SFSWAP: variants seen among roughly 807,000 people sequenced by gnomAD.
SFSWAP encodes the protein splicing factor SWAP.
In SFSWAP, 17 loss-of-function variants were observed where a neutral mutation model predicts 100.7. The ratio of observed to expected loss-of-function variants is 0.17; its 90% CI spans 0.12 to 0.25. The LOEUF (loss-of-function observed/expected upper bound fraction) is 0.25, where lower values mean the gene tolerates loss of function less well. Among genes scored for constraint, SFSWAP ranks in the 10% least tolerant of loss-of-function variants. The pLI is 1.00. For missense variants in SFSWAP, 1,005 were observed against 1,262.6 expected (o/e 0.80, Z 3.09); for synonymous variants, 504 against 510.1 (o/e 0.99, Z 0.16).
intron 7 of SFSWAP, among the ~76,000 whole-genome samples, chr12:131,745,670 G>A (rs2136213912): frequency 6.6e-6 from 1 of 152,132 alleles, no homozygotes; most frequent in East Asian, 1.9e-4. Flanking sequence ...TCTCAAATCA[G>A]GCAGGCTGGC....
chr12:131,712,934 G>A (rs1024308032), intron 1 of SFSWAP: 1 of 152,194 alleles, frequency 6.6e-6, no homozygotes, highest in Non-Finnish European at 1.5e-5. Flanking sequence ...CGCCGCACAT[G>A]TACATGTATA....
At position 131,753,124 on chromosome 12, in the gene SFSWAP, G is replaced by A. The variant is rs546424351; in HGVS notation, c.1083G>A (p.Ser361=). ...QPSQVEYTAD[S]TVAAMYYSYY... is the part of the protein sequence containing the mutation. ...CTCCGGGGCAATGTGTCTCCACAGC[G>A]ACCGTGGCAGCCATGTATTACAGCT... The change falls in exon 8 of 18, where the codon TCG becomes TCA. Residue 361 remains serine (S), a splice_region_variant and synonymous_variant. Transcript: ENST00000261674. 51 of 1,613,964 alleles carry A rather than the reference G, an allele frequency of 3.2e-5. 1 individual carries two copies. Among genetic ancestry groups the A allele is most frequent in the Non-Finnish European group, 3.7e-5 (44 of 1,180,026 alleles).
chr12:131,795,591 G>C (rs1187310037), intron 15 of SFSWAP, among the ~76,000 whole-genome samples: 1 of 152,108 alleles, frequency 6.6e-6, no homozygotes, highest in Non-Finnish European at 1.5e-5. Context: ...CCAGATATCG[G>C]GGGGTGGCAC....
intron 4 of SFSWAP, among the ~76,000 whole-genome samples, chr12:131,720,399 C>G (rs1273281969): frequency 6.6e-6 from 1 of 152,198 alleles, no homozygotes; most frequent in Non-Finnish European, 1.5e-5. Flanking sequence ...CATCTTCAGT[C>G]ACCGTGCTTT....
chr12:131,740,966 CTTTTTTTT>C (rs60047663), intron 7 of SFSWAP, among the ~76,000 whole-genome samples: 6 of 70,144 alleles, frequency 8.6e-5, no homozygotes, highest in South Asian at 6.8e-4. Flanking sequence ...TCTTTTTTTT[CTTTTTTTT>C]TTTTTTTTTT....
At chr12:131,748,074 G>T (rs1284466183) in intron 7 of SFSWAP, among the ~76,000 whole-genome samples, 1 of 152,232 alleles carries the variant, frequency 6.6e-6, no homozygotes, top group Non-Finnish European at 1.5e-5. Flanking sequence ...AGGCTGGCTT[G>T]TTCCTGCCTC....
chr12:131,754,538 T>C (rs371739308), intron 9 of SFSWAP, 39 bp downstream of exon 9: 98 of 1,411,994 alleles, frequency 6.9e-5, no homozygotes, highest in Non-Finnish European at 9.0e-5. Flanking sequence ...ATATGGCATT[T>C]GGGGGTTTCG....
At chr12:131,775,770 G>A (rs1480048223) in intron 13 of SFSWAP, among the ~76,000 whole-genome samples, 4 of 152,070 alleles carry the variant, frequency 2.6e-5, no homozygotes, top group African/African-American at 7.2e-5. Flanking sequence ...GTCATTGGAC[G>A]TTTGTGTGTT....
intron 4 of SFSWAP, among the ~76,000 whole-genome samples, chr12:131,721,303 A>G (rs919771554): frequency 6.6e-6 from 1 of 152,140 alleles, no homozygotes; most frequent in African/African-American, 2.4e-5. Flanking sequence ...ATATTACTAC[A>G]TATGTTTGTT....
At chr12:131,796,874 G>T in intron 15 of SFSWAP, 1 of 284,974 alleles carries the variant, frequency 3.5e-6, no homozygotes, top group Non-Finnish European at 6.5e-6. Context: ...TGAAACATAA[G>T]TGGCAAAGCA....
At chr12:131,749,873 G>T (rs553190968) in intron 7 of SFSWAP, among the ~76,000 whole-genome samples, 12 of 152,240 alleles carry the variant, frequency 7.9e-5, no homozygotes, top group Non-Finnish European at 1.5e-4. Flanking sequence ...TGTTTACAGG[G>T]TCCCCACGCG....
At chr12:131,747,851 T>G (rs1881280977) in intron 7 of SFSWAP, among the ~76,000 whole-genome samples, 1 of 152,186 alleles carries the variant, frequency 6.6e-6, no homozygotes, top group Non-Finnish European at 1.5e-5. Flanking sequence ...ATGCACAAGT[T>G]CAAGTTCAGC....
intron 7 of SFSWAP, among the ~76,000 whole-genome samples, chr12:131,746,507 C>T (rs1415830565): frequency 6.6e-6 from 1 of 152,204 alleles, no homozygotes; most frequent in Admixed American, 6.5e-5. Context: ...TGGAACATCA[C>T]TGTTCTGAGC....
In SFSWAP at chr12:131,778,718, G is replaced by T. The variant is rs188507502; in HGVS notation, c.2408+388G>T. On this transcript the variant is annotated intron_variant, in intron 14 of 17. Transcript: ENST00000261674. This position sits in a 1 kb window ranked among gnomAD's most constrained non-coding sequence, Gnocchi z 4.2. ...TTTTTAGTAGAGACGGGGTTTCACC[G>T]TGTCGGCCAGGCTGGTCTTAAACTC... 6.6e-6 allele frequency among the ~76,000 whole-genome samples: 1 copy of T among 151,974 alleles called. No homozygotes were observed. The highest frequency in any genetic ancestry group is 2.4e-5 in the African/African-American group (1 of 41,362).
intron 11 of SFSWAP, among the ~76,000 whole-genome samples, chr12:131,759,534 T>C (rs1447999687): frequency 6.6e-6 from 1 of 152,060 alleles, no homozygotes; most frequent in African/African-American, 2.4e-5. Context: ...GCGCGGTGGC[T>C]CACGCTTGTA....
In SFSWAP at chr12:131,778,069, C is replaced by A. The variant is rs763925875; in HGVS notation, c.2147C>A (p.Ser716Tyr). The part of the protein sequence containing the change: ...IEESPFSVEE[S>Y]STTPCPLLTG... The stretch of plus-strand genomic sequence containing the variant: ...AGATTTTCCTTTTATTCTTAGGAAT[C>A]CAGCACTACGCCCTGCCCTCTACTG... Residue 716 changes from serine (S) to tyrosine (Y), a missense_variant, in exon 14 of 18, where the codon TCC (serine) becomes TAC (tyrosine). Ser to Tyr is a moderately radical substitution (Grantham distance 144). This residue lies in a region of SFSWAP where 295 missense variants were observed against 347.9 expected (regional missense o/e 0.85). Coordinates refer to ENST00000261674, the MANE Select transcript of SFSWAP (RefSeq NM_004592.4). This position sits in a 1 kb window ranked among gnomAD's most constrained non-coding sequence, Gnocchi z 4.2. 6.2e-7 allele frequency: 1 copy of A among 1,605,074 alleles called. No homozygotes were observed. Among genetic ancestry groups the A allele is most frequent in the South Asian group, 1.1e-5 (1 of 90,520 alleles).
At chr12:131,777,769 T>C (rs1884143983) in intron 13 of SFSWAP, among the ~76,000 whole-genome samples, 1 of 152,186 alleles carries the variant, frequency 6.6e-6, no homozygotes, top group Admixed American at 6.5e-5. Flanking sequence ...TTTCCCAGCG[T>C]AGCATCTCTA....
chr12:131,724,994 GA>G (rs1401958058), intron 4 of SFSWAP, among the ~76,000 whole-genome samples: 1 of 152,196 alleles, frequency 6.6e-6, no homozygotes, highest in African/African-American at 2.4e-5. Flanking sequence ...TAAGAAGAAG[GA>G]AAGAGCAGTG....
intron 13 of SFSWAP, among the ~76,000 whole-genome samples, chr12:131,767,453 A>C (rs1373937388): frequency 6.6e-6 from 1 of 152,254 alleles, no homozygotes; most frequent in Non-Finnish European, 1.5e-5. Context: ...AAAGTAAGAA[A>C]AATAATAGAG....
Sources: allele counts gnomAD v4.1 joint callset (sites outside exome capture counted in the v4.1 genomes callset), GRCh38; gene constraint gnomAD v4.1.1; regional missense constraint gnomAD v4.1.1; non-coding constraint Gnocchi (gnomAD v3.1); transcripts MANE v1.5; gene names NCBI Gene and HGNC (gene_info 2026-07-23, HGNC 2026-07-21).